Variants in TRIM33 observed in about 807,000 individuals in gnomAD.
TRIM33 encodes the protein E3 ubiquitin-protein ligase TRIM33.
In TRIM33, 20 loss-of-function variants were observed where a neutral mutation model predicts 125.4. The ratio of observed to expected loss-of-function variants is 0.16; its 90% CI spans 0.11 to 0.23. The LOEUF (loss-of-function observed/expected upper bound fraction) is 0.23, where lower values mean the gene tolerates loss of function less well. Ranked by LOEUF, TRIM33 falls within the 10% of genes least tolerant of loss-of-function variation. The pLI, the probability that TRIM33 is intolerant of heterozygous loss-of-function variation, is 1.00. For missense variants in TRIM33, 920 were observed against 1,411.4 expected (o/e 0.65, Z 5.58); for synonymous variants, 564 against 513.9 (o/e 1.10, Z -1.32).
At position 114,478,351 on chromosome 1, in the gene TRIM33, T is replaced by C. The variant is rs372208818; in HGVS notation, c.527-13963A>G. ...AACATGAGATTTGCCAGGTATAAAT[T>C]AGTATCTGTCTGGAAAGAACAGGTT... On this transcript the variant is annotated intron_variant, in intron 1 of 19. Transcript: ENST00000358465. Among the ~76,000 whole-genome samples the C allele has an allele frequency of 1.2e-4, 18 of 152,248 alleles. No individual in the cohort carries two copies. The East Asian group carries it at 2.5e-3, about 21-fold the overall frequency.
chr1:114,460,862 C>G (rs1005431544), intron 4 of TRIM33, among the ~76,000 whole-genome samples: 8 of 152,064 alleles, frequency 5.3e-5, no homozygotes, highest in African/African-American at 1.9e-4. Flanking sequence ...TTGCTCAAAT[C>G]TAAAATCACA....
At chr1:114,483,678 G>T (rs1397680184) in intron 1 of TRIM33, among the ~76,000 whole-genome samples, 1 of 152,100 alleles carries the variant, frequency 6.6e-6, no homozygotes, top group African/African-American at 2.4e-5. Context: ...CTCCCAAAGT[G>T]CTGGGATTAC....
intron 11 of TRIM33, 92 bp downstream of exon 11, chr1:114,421,344 C>T (rs953471995): frequency 4.2e-6 from 5 of 1,202,026 alleles, no homozygotes; most frequent in Non-Finnish European, 5.9e-6. Flanking sequence ...AAATGTTGAT[C>T]CTGAATTAAA....
At chr1:114,416,172 G>A (rs1312379457) in intron 11 of TRIM33, among the ~76,000 whole-genome samples, 1 of 152,114 alleles carries the variant, frequency 6.6e-6, no homozygotes, top group African/African-American at 2.4e-5. Context: ...GTGTTATGCA[G>A]TATTGAAGAC....
At chr1:114,423,405 G>C (rs1647331355) in intron 10 of TRIM33, among the ~76,000 whole-genome samples, 1 of 152,120 alleles carries the variant, frequency 6.6e-6, no homozygotes, top group Admixed American at 6.5e-5. Flanking sequence ...TGGAATTCCA[G>C]CGGATTCATT....
At chr1:114,444,573 C>T (rs1648861636) in intron 4 of TRIM33, among the ~76,000 whole-genome samples, 1 of 152,176 alleles carries the variant, frequency 6.6e-6, no homozygotes, top group Non-Finnish European at 1.5e-5. Context: ...GTCTAAGAAA[C>T]AAGGTTCAGA....
intron 1 of TRIM33, among the ~76,000 whole-genome samples, chr1:114,478,173 G>A (rs917630281): frequency 6.6e-5 from 10 of 152,202 alleles, no homozygotes; most frequent in African/African-American, 2.2e-4. Context: ...AAAGGCACTG[G>A]CCCTCTTGCT....
chr1:114,402,773 G>C lies in TRIM33; in HGVS notation c.2879C>G (p.Pro960Arg), dbSNP rs1256785807. The C allele has an allele frequency of 6.2e-7, 1 of 1,613,448 alleles. No individual in the cohort carries two copies. Among genetic ancestry groups the C allele is most frequent in the Non-Finnish European group, 8.5e-7 (1 of 1,179,790 alleles). ...KKGKTAQGLS[P>R]VDQRKCERLL... is the part of the protein sequence containing the mutation. ...TTTGACACTTACCCTTTGGTCCACG[G>C]GGCTTAACCCCTGCGCAGTTTTCCC... is the stretch of plus-strand genomic sequence containing the variant. Residue 960 changes from proline to arginine, a missense_variant, in exon 16 of 20, where the codon CCC becomes CGC. Physicochemically the swap from Pro to Arg is moderately radical, Grantham distance 103. Around this residue, in one of 8 missense-constraint regions of TRIM33, gnomAD observed 122 missense variants for 236.8 expected, o/e 0.52. Transcript: ENST00000358465.
At chr1:114,499,208 G>C (rs1224314395) in intron 1 of TRIM33, among the ~76,000 whole-genome samples, 1 of 152,046 alleles carries the variant, frequency 6.6e-6, no homozygotes, top group Admixed American at 6.5e-5. Context: ...AAATTCAAAG[G>C]CTCAGAAATT....
chr1:114,409,142 T>C (rs1652423546), intron 12 of TRIM33, among the ~76,000 whole-genome samples: 1 of 152,246 alleles, frequency 6.6e-6, no homozygotes, highest in Non-Finnish European at 1.5e-5. Context: ...GGAAAATCCA[T>C]ATTTACATGT....
chr1:114,488,170 T>A (rs1009898926), intron 1 of TRIM33, among the ~76,000 whole-genome samples: 3 of 152,124 alleles, frequency 2.0e-5, no homozygotes, highest in African/African-American at 7.2e-5. Context: ...TAAGACGCTA[T>A]TCAAAGCACT....
intron 4 of TRIM33, among the ~76,000 whole-genome samples, chr1:114,435,877 C>CCTTT (rs1553211462): frequency 1.4e-5 from 1 of 73,324 alleles, no homozygotes; most frequent in South Asian, 5.8e-4. Context: ...TAGACACCCG[C>CCTTT]TTTTTTTTTT....
intron 4 of TRIM33, among the ~76,000 whole-genome samples, chr1:114,458,889 G>C (rs888766374): frequency 9.9e-5 from 15 of 152,106 alleles, no homozygotes; most frequent in African/African-American, 3.4e-4. Flanking sequence ...GAATTTAACA[G>C]AGTTAAACTC....
intron 4 of TRIM33, among the ~76,000 whole-genome samples, chr1:114,460,955 G>A (rs979858020): frequency 6.6e-6 from 1 of 151,904 alleles, no homozygotes; most frequent in Non-Finnish European, 1.5e-5. Flanking sequence ...ATGCTTCCCT[G>A]AGTTCTGTGA....
At chr1:114,510,178 C>G (rs1013333217) in intron 1 of TRIM33, among the ~76,000 whole-genome samples, 14 of 152,172 alleles carry the variant, frequency 9.2e-5, no homozygotes, top group African/African-American at 2.9e-4. Flanking sequence ...TCCCTCAACA[C>G]CTCGCTGGCC....
Position 114,425,481 on chromosome 1 carries a change from T to C in TRIM33, c.1663A>G (p.Arg555Gly). The C allele has an allele frequency of 1.2e-6, 2 of 1,614,102 alleles. No homozygotes were observed. The highest frequency in any genetic ancestry group is 2.7e-5 in the African/African-American group (2 of 75,060). The change falls in exon 9 of 20, where the codon AGA (arginine) becomes GGA (glycine). Residue 555 changes from arginine (R) to glycine (G), a missense_variant. Arg to Gly is a moderately radical substitution (Grantham distance 125). Around this residue, in one of 8 missense-constraint regions of TRIM33, gnomAD observed 407 missense variants for 589.7 expected, o/e 0.69. Transcript: ENST00000358465. ...TGTAACATCTGAGGGGCTGCTTGTC[T>C]AGGATGCTGTTGTGTTGTTGTTGTT... Reference protein sequence around the residue: ...TTTTTTQQHPRQAAPQMLQQQ... With the variant: ...TTTTTTQQHPGQAAPQMLQQQ...
chr1:114,429,412 C>T (rs900262995), intron 6 of TRIM33, among the ~76,000 whole-genome samples: 2 of 151,420 alleles, frequency 1.3e-5, no homozygotes, highest in Non-Finnish European at 2.9e-5. Flanking sequence ...AAGCTGGTCT[C>T]GAACTCCTGA....
Position 114,463,256 on chromosome 1 carries a change from A to G in TRIM33, c.791-20T>C. The stretch of plus-strand genomic sequence containing the variant: ...CAGACTCTGTAGCAAAATAAAACAA[A>G]TATTTTTTAACCAAACATAAAATTT... On this transcript the variant is annotated intron_variant, in intron 3 of 19. Transcript: ENST00000358465. The G allele has an allele frequency of 3.2e-6, 5 of 1,575,630 alleles. No homozygotes were observed. The highest frequency in any genetic ancestry group is 4.3e-6 in the Non-Finnish European group (5 of 1,166,426).
At chr1:114,414,989 A>ATTTTTTTTTTTTTTTTTT (rs56960865) in intron 11 of TRIM33, among the ~76,000 whole-genome samples, 1 of 104,702 alleles carries the variant, frequency 9.6e-6, no homozygotes, top group Non-Finnish European at 1.9e-5. Flanking sequence ...GGTAGATTCT[A>ATTTTTTTTTTTTTTTTTT]TTTTTTTTTT....
Sources: allele counts gnomAD v4.1 joint callset (sites outside exome capture counted in the v4.1 genomes callset), GRCh38; gene constraint gnomAD v4.1.1; regional missense constraint gnomAD v4.1.1; transcripts MANE v1.5; gene names NCBI Gene and HGNC (gene_info 2026-07-23, HGNC 2026-07-21).